BMAL1: variants seen among roughly 807,000 people sequenced by gnomAD.
BMAL1 encodes basic helix-loop-helix ARNT-like protein 1.
At chr11:13,295,788 A>G in the BMAL1 span, among the ~76,000 whole-genome samples, 1 of 152,094 alleles carries the variant, frequency 6.6e-6, no homozygotes, top group East Asian at 1.9e-4. Flanking sequence ...TTTCTCTCCT[A>G]TTATTTTCAA....
the BMAL1 span, among the ~76,000 whole-genome samples, chr11:13,343,133 C>G: frequency 6.6e-6 from 1 of 152,184 alleles, no homozygotes; most frequent in East Asian, 1.9e-4. Flanking sequence ...AATGTTGTGC[C>G]CAACATCACA....
chr11:13,282,196 C>G, the BMAL1 span, among the ~76,000 whole-genome samples: 2 of 152,196 alleles, frequency 1.3e-5, no homozygotes, highest in Admixed American at 6.5e-5. Flanking sequence ...ACTCTGGAGC[C>G]AGATTTCACA....
the BMAL1 span, among the ~76,000 whole-genome samples, chr11:13,342,040 G>A: frequency 2.2e-4 from 33 of 152,330 alleles, 1 homozygote; most frequent in African/African-American, 7.5e-4. Flanking sequence ...GCTGGGTGCC[G>A]GAGTGCAGAG....
the BMAL1 span, among the ~76,000 whole-genome samples, chr11:13,349,379 C>G: frequency 6.6e-6 from 1 of 152,204 alleles, no homozygotes; most frequent in Non-Finnish European, 1.5e-5. Flanking sequence ...CTGAGTGGTG[C>G]CTTCAGCAGT....
the BMAL1 span, among the ~76,000 whole-genome samples, chr11:13,284,160 G>GTGTATATATATATA: frequency 0.068 from 650 of 9,494 alleles, 118 homozygotes; most frequent in Non-Finnish European, 0.15. Context: ...ATATATATAT[G>GTGTATATATATATA]TGTGTATATA....
chr11:13,377,162 C>T, the BMAL1 span, among the ~76,000 whole-genome samples: 23 of 152,276 alleles, frequency 1.5e-4, no homozygotes, highest in African/African-American at 5.3e-4. Context: ...CCCTGCTGTC[C>T]ACGCTGGACT....
the BMAL1 span, among the ~76,000 whole-genome samples, chr11:13,322,818 C>T: frequency 9.7e-6 from 1 of 102,638 alleles, no homozygotes. Flanking sequence ...GAGAGAGGGT[C>T]TTGCTCTGTC....
chr11:13,382,287 A>G, the BMAL1 span, among the ~76,000 whole-genome samples: 3 of 84,792 alleles, frequency 3.5e-5, no homozygotes, highest in Non-Finnish European at 9.0e-5. Context: ...AATGGGTAAG[A>G]CTACAAAGTA....
At chr11:13,317,983 C>G in the BMAL1 span, among the ~76,000 whole-genome samples, 1 of 152,316 alleles carries the variant, frequency 6.6e-6, no homozygotes, top group East Asian at 1.9e-4. Context: ...ATTTTTGAAT[C>G]AAAATCCAGA....
the BMAL1 span, among the ~76,000 whole-genome samples, chr11:13,357,405 C>A: frequency 3.9e-5 from 6 of 152,248 alleles, no homozygotes; most frequent in Non-Finnish European, 7.3e-5. This position sits in a 1 kb window ranked among gnomAD's most constrained non-coding sequence, Gnocchi z 4.8. Context: ...GACTGGAGCG[C>A]CCTCCGCAGG....
chr11:13,293,856 G>A, the BMAL1 span, among the ~76,000 whole-genome samples: 6 of 152,348 alleles, frequency 3.9e-5, no homozygotes, highest in South Asian at 8.3e-4. Context: ...TGGTCCATGG[G>A]CAGGTTAGAA....
chr11:13,381,776 C>G, the BMAL1 span, among the ~76,000 whole-genome samples: 8 of 152,302 alleles, frequency 5.3e-5, no homozygotes, highest in East Asian at 1.5e-3. Context: ...CACCAGCCCT[C>G]ATGAAGAGCT....
chr11:13,282,470 A>G, the BMAL1 span, among the ~76,000 whole-genome samples: 1 of 152,180 alleles, frequency 6.6e-6, no homozygotes, highest in Non-Finnish European at 1.5e-5. Flanking sequence ...TGGTCTCCAC[A>G]TTCAGCCTGC....
At chr11:13,374,214 G>A in the BMAL1 span, 22 of 1,606,992 alleles carry the variant, frequency 1.4e-5, no homozygotes, top group Admixed American at 1.7e-5. Context: ...AAGCTAGGAT[G>A]TATGAAAGAT....
At chr11:13,316,297 C>T in the BMAL1 span, among the ~76,000 whole-genome samples, 1 of 152,270 alleles carries the variant, frequency 6.6e-6, no homozygotes, top group East Asian at 1.9e-4. Flanking sequence ...AGAGAAGCTG[C>T]TTCATGGTGC....
the BMAL1 span, among the ~76,000 whole-genome samples, chr11:13,313,781 A>G: frequency 6.6e-6 from 1 of 152,142 alleles, no homozygotes; most frequent in African/African-American, 2.4e-5. Context: ...TCTTTTGCTT[A>G]AAGCTCTCCA....
chr11:13,297,063 A>T, the BMAL1 span, among the ~76,000 whole-genome samples: 1 of 152,222 alleles, frequency 6.6e-6, no homozygotes, highest in African/African-American at 2.4e-5. Context: ...ACATAGCCAC[A>T]GCGTGGTAAA....
the BMAL1 span, among the ~76,000 whole-genome samples, chr11:13,343,123 A>C: frequency 1.3e-5 from 2 of 152,206 alleles, no homozygotes; most frequent in African/African-American, 2.4e-5. Flanking sequence ...ATACAGGCTA[A>C]ATGTTGTGCC....
chr11:13,326,727 AT>A, the BMAL1 span, among the ~76,000 whole-genome samples: 1 of 4,916 alleles, frequency 2.0e-4, no homozygotes, highest in African/African-American at 3.3e-4. Context: ...TATAGGTATT[AT>A]ATATATATAT....
Sources: allele counts gnomAD v4.1 joint callset (sites outside exome capture counted in the v4.1 genomes callset), GRCh38; gene constraint gnomAD v4.1.1; non-coding constraint Gnocchi (gnomAD v3.1); transcripts MANE v1.5; gene names NCBI Gene and HGNC (gene_info 2026-07-23, HGNC 2026-07-21).